C8A: variants seen among roughly 807,000 people sequenced by gnomAD.
The protein encoded by C8A is complement component C8 alpha chain.
C8A carries 67 observed loss-of-function variants against 65.3 expected under a neutral mutation model. That is an observed-to-expected ratio of 1.03 (90% CI 0.84 to 1.26). The LOEUF (loss-of-function observed/expected upper bound fraction) is 1.26. C8A is among the 50% of genes most tolerant of loss of function. The pLI, the probability that C8A is intolerant of heterozygous loss-of-function variation, is 0.00. For synonymous variants in C8A, 290 were observed against 259.4 expected (o/e 1.12, Z -1.13); for missense variants, 781 against 723.9 (o/e 1.08, Z -0.90).
At position 56,891,976 on chromosome 1, in the gene C8A, T is replaced by C. The variant is rs114646588; in HGVS notation, c.1096+5809T>C. 6.1e-3 allele frequency among the ~76,000 whole-genome samples: 926 copies of C among 152,294 alleles called. 4 individuals carry two copies. Among genetic ancestry groups the C allele is most frequent in the Non-Finnish European group, 9.7e-3 (660 of 68,010 alleles). Reference sequence around the variant, plus strand: ...TATTGTCCTTGGGGTATTTTTTGTATCTAGCACAAGGCTGGGCCCACAGTA... The same window carrying C: ...TATTGTCCTTGGGGTATTTTTTGTACCTAGCACAAGGCTGGGCCCACAGTA... On this transcript the variant is annotated intron_variant, in intron 7 of 10. Transcript: ENST00000361249.
At chr1:56,915,040 T>C (rs1644540271) in intron 10 of C8A, among the ~76,000 whole-genome samples, 1 of 152,204 alleles carries the variant, frequency 6.6e-6, no homozygotes, top group African/African-American at 2.4e-5. Context: ...TGAGATTATA[T>C]TGGAACCTTC....
At chr1:56,892,759 G>A (rs1644357701) in intron 7 of C8A, among the ~76,000 whole-genome samples, 1 of 152,156 alleles carries the variant, frequency 6.6e-6, no homozygotes, top group Admixed American at 6.6e-5. Flanking sequence ...TGTGGCTCAT[G>A]TAGATAGGAC....
intron 2 of C8A, among the ~76,000 whole-genome samples, chr1:56,870,412 C>CT (rs1437382201): frequency 1.3e-5 from 2 of 152,146 alleles, no homozygotes; most frequent in African/African-American, 4.8e-5. Context: ...ACTGCAGTCT[C>CT]TGCCTCCCTG....
chr1:56,858,722 A>T (rs981531181), intron 1 of C8A, among the ~76,000 whole-genome samples: 1 of 152,218 alleles, frequency 6.6e-6, no homozygotes, highest in Non-Finnish European at 1.5e-5. Context: ...AATGAAAACA[A>T]TTGGAGTAGT....
chr1:56,859,482 G>C (rs1644009981), intron 1 of C8A, among the ~76,000 whole-genome samples: 1 of 152,186 alleles, frequency 6.6e-6, no homozygotes, highest in Non-Finnish European at 1.5e-5. Context: ...AAGTGGAAAG[G>C]TTTGGCCAGA....
At chr1:56,910,837 T>A (rs571165762) in intron 9 of C8A, among the ~76,000 whole-genome samples, 51 of 152,308 alleles carry the variant, frequency 3.3e-4, no homozygotes, top group Non-Finnish European at 5.7e-4. Flanking sequence ...TCCAGGGAAG[T>A]GCGACTACCG....
At chr1:56,881,177 A>G (rs1490380779) in intron 4 of C8A, among the ~76,000 whole-genome samples, 1 of 152,194 alleles carries the variant, frequency 6.6e-6, no homozygotes, top group Non-Finnish European at 1.5e-5. Context: ...TAGATTGAGA[A>G]ACTGTTACTT....
chr1:56,869,245 C>G (rs1216922511), intron 2 of C8A, among the ~76,000 whole-genome samples: 1 of 152,160 alleles, frequency 6.6e-6, no homozygotes, highest in Non-Finnish European at 1.5e-5. Flanking sequence ...GCTTAGCTCC[C>G]ACTTATAAGT....
intron 3 of C8A, among the ~76,000 whole-genome samples, chr1:56,875,634 G>C (rs959316695): frequency 6.6e-6 from 1 of 152,058 alleles, no homozygotes; most frequent in Non-Finnish European, 1.5e-5. Context: ...ACATGCAAAA[G>C]CATGGGGATC....
chr1:56,887,546 G>C (rs1432527886), intron 7 of C8A, among the ~76,000 whole-genome samples: 1 of 152,038 alleles, frequency 6.6e-6, no homozygotes, highest in Non-Finnish European at 1.5e-5. Context: ...CTTTTTGATG[G>C]AATTGCTTTA....
Position 56,917,775 on chromosome 1 carries a change from T to C in C8A, c.*59T>C. On this transcript the variant is annotated 3_prime_UTR_variant, in exon 11 of 11. Coordinates refer to ENST00000361249, the MANE Select transcript of C8A (RefSeq NM_000562.3). ...GGATGTCGACCCCTGCACTGACTAT[T>C]GGATAAAGACTTCTTTCAACTAAGA... The C allele has an allele frequency of 5.0e-6, 8 of 1,594,876 alleles. No individual in the cohort carries two copies. In the South Asian group the frequency reaches 5.5e-5, roughly 11 times the overall value.
chr1:56,872,372 G>A (rs772574801), intron 2 of C8A, among the ~76,000 whole-genome samples: 4 of 152,134 alleles, frequency 2.6e-5, no homozygotes, highest in Non-Finnish European at 5.9e-5. Context: ...TCTACTCAGT[G>A]CTGGCCATGT....
intron 9 of C8A, among the ~76,000 whole-genome samples, chr1:56,912,013 G>A (rs1644511630): frequency 6.6e-6 from 1 of 152,176 alleles, no homozygotes; most frequent in African/African-American, 2.4e-5. Context: ...CATTGCTCCA[G>A]GATCACTGTG....
chr1:56,867,719 C>A lies in C8A; in HGVS notation c.171+17C>A, dbSNP rs760185454. ...GACAAAAAGGTGAGACACTTACAAC[C>A]GGTTTGGGGGCATTTCATATTTGAT... On this transcript the variant is annotated intron_variant, in intron 2 of 10. Coordinates refer to ENST00000361249, the MANE Select transcript of C8A (RefSeq NM_000562.3). 6.3e-7 allele frequency: 1 copy of A among 1,586,604 alleles called. No homozygotes were observed. The highest frequency in any genetic ancestry group is 1.1e-5 in the South Asian group (1 of 90,438).
intron 2 of C8A, among the ~76,000 whole-genome samples, chr1:56,873,906 C>T (rs1031287672): frequency 1.3e-5 from 2 of 152,190 alleles, no homozygotes; most frequent in African/African-American, 2.4e-5. Context: ...CAGCTTCCTT[C>T]TTCTACGCTA....
chr1:56,906,339 G>A (rs1171368106), intron 7 of C8A, among the ~76,000 whole-genome samples: 1 of 152,124 alleles, frequency 6.6e-6, no homozygotes, highest in African/African-American at 2.4e-5. Context: ...TCATGGCCCG[G>A]GCACTGAGGT....
At chr1:56,881,712 T>C in intron 5 of C8A, 78 bp downstream of exon 5, 1 of 1,358,964 alleles carries the variant, frequency 7.4e-7, no homozygotes, top group Non-Finnish European at 1.0e-6. Flanking sequence ...TGGAGATGAC[T>C]TGCTCTGGAA....
At chr1:56,881,403 C>T in intron 4 of C8A, 42 bp from the exon 5 acceptor site, 1 of 1,602,682 alleles carries the variant, frequency 6.2e-7, no homozygotes, top group Non-Finnish European at 8.5e-7. Flanking sequence ...GTATAAAACC[C>T]AGCATCCACT....
chr1:56,865,056 A>G (rs879473669), intron 1 of C8A, among the ~76,000 whole-genome samples: 6 of 152,208 alleles, frequency 3.9e-5, no homozygotes, highest in Non-Finnish European at 8.8e-5. Flanking sequence ...GTCCTTCTAG[A>G]AACAGTAAGA....
Sources: allele counts gnomAD v4.1 joint callset (sites outside exome capture counted in the v4.1 genomes callset), GRCh38; gene constraint gnomAD v4.1.1; transcripts MANE v1.5; gene names NCBI Gene and HGNC (gene_info 2026-07-23, HGNC 2026-07-21).